Variants in ACTN4 observed in about 807,000 individuals in gnomAD.
ACTN4 encodes the protein actinin alpha 4.
A neutral mutation model predicts 114.2 loss-of-function variants in ACTN4; 18 were observed. That is an observed-to-expected ratio of 0.16 (90% CI 0.11 to 0.23). The LOEUF (loss-of-function observed/expected upper bound fraction) is 0.23. Ranked by LOEUF, ACTN4 falls within the 10% of genes least tolerant of loss-of-function variation. ACTN4 has a pLI of 1.00. For synonymous variants in ACTN4, 515 were observed against 506.3 expected, an observed-to-expected ratio of 1.02 and a Z score of -0.23; for missense variants, 722 against 1,262.9, an observed-to-expected ratio of 0.57 and a Z score of 6.49.
chr19:38,691,308 A>T (rs568469879), intron 1 of ACTN4, among the ~76,000 whole-genome samples: 1 of 150,350 alleles, frequency 6.7e-6, no homozygotes, highest in Admixed American at 6.6e-5. Flanking sequence ...GGCTGAGGCC[A>T]GAGAATAGCT....
In ACTN4 at chr19:38,647,883, G is replaced by A; in HGVS notation, c.138G>A (p.Pro46=). ...DDWDRDLLLD[P]AWEKQQRKTF... is the part of the protein sequence containing the mutation. ...GGGACCGGGACCTGCTGCTGGACCC[G>A]GCCTGGGAGAAGCAGCAGCGCAAGG... The change falls in exon 1 of 21, where the codon CCG becomes CCA. Residue 46 remains proline, a synonymous_variant. Coordinates refer to ENST00000252699, the MANE Select transcript of ACTN4 (RefSeq NM_004924.6). The A allele has an allele frequency of 6.6e-7, 1 of 1,524,434 alleles. No homozygotes were observed. The highest frequency in any genetic ancestry group is 8.8e-7 in the Non-Finnish European group (1 of 1,135,042). 94.4% of individuals were successfully genotyped at this position (1,524,434 alleles called of 1,614,324 possible).
Position 38,730,720 on chromosome 19 carries a change from G to T in ACTN4, c.*1288G>T. 1 of 1,141,978 alleles carries T rather than the reference G, an allele frequency of 8.8e-7. No homozygotes were observed. The highest frequency in any genetic ancestry group is 1.3e-6 in the Non-Finnish European group (1 of 792,984). The allele number at this position is 1,141,978 out of a possible 1,614,324, so 70.7% of individuals were successfully genotyped here. On this transcript the variant is annotated 3_prime_UTR_variant, in exon 21 of 21. Coordinates refer to ENST00000252699, the MANE Select transcript of ACTN4 (RefSeq NM_004924.6). ...GGCCAGAGTGGTCACCCGGCCGTGA[G>T]CAGTGAGGGCCAGAGACTAGCCCCA...
At position 38,673,663 on chromosome 19, in the gene ACTN4, A is replaced by AC. The variant is rs1555826349; in HGVS notation, c.162+25756_162+25757insC. Among the ~76,000 whole-genome samples, 29 of 14,910 alleles carry AC rather than the reference A, an allele frequency of 1.9e-3. 2 individuals are homozygous for AC. In the East Asian group the frequency reaches 0.021, roughly 11 times the overall value. The allele number at this position is 14,910 out of a possible 152,430, so 9.8% of individuals were successfully genotyped here. On this transcript the variant is annotated intron_variant, in intron 1 of 20. Transcript: ENST00000252699. Reference sequence around the variant, plus strand: ...TATATATATTTATATATTTATATATATTATATATATTTATATATTTATATA... The same window carrying AC: ...TATATATATTTATATATTTATATATACTTATATATATTTATATATTTATATA...
In ACTN4 at chr19:38,668,694, AAAAAG is replaced by A. The variant is rs200006970; in HGVS notation, c.162+20792_162+20796del. Among the ~76,000 whole-genome samples, 894 of 152,054 alleles carry A rather than the reference AAAAAG, an allele frequency of 5.9e-3. 6 individuals carry two copies. The highest frequency in any genetic ancestry group is 0.024 in the Middle Eastern group (7 of 294). ...AGTGAGACTCCATCGCAAAAAAAGA[AAAAAG>A]AAAAAAAGAAAAGATGGACAATGAA... On this transcript the variant is annotated intron_variant, in intron 1 of 20. Coordinates refer to ENST00000252699, the MANE Select transcript of ACTN4 (RefSeq NM_004924.6).
intron 3 of ACTN4, among the ~76,000 whole-genome samples, chr19:38,704,280 C>T (rs764446215): frequency 2.0e-5 from 3 of 152,228 alleles, no homozygotes; most frequent in Admixed American, 1.3e-4. Flanking sequence ...CATTGCACTC[C>T]AGCCAGCCAG....
chr19:38,690,543 C>T (rs1184277567), intron 1 of ACTN4, among the ~76,000 whole-genome samples: 2 of 152,184 alleles, frequency 1.3e-5, no homozygotes, highest in Non-Finnish European at 1.5e-5. Context: ...CCTTGGAATC[C>T]GTGAGGCCAA....
intron 9 of ACTN4, among the ~76,000 whole-genome samples, chr19:38,716,030 T>C (rs1406824045): frequency 1.3e-5 from 2 of 152,206 alleles, no homozygotes; most frequent in Non-Finnish European, 2.9e-5. Flanking sequence ...GCCTCCCAAG[T>C]AGCTGGGATT....
rs1280703636 is a variant in ACTN4 at position 38,712,956 on chromosome 19, C to T, written c.820-1513C>T. 2.2e-5 allele frequency among the ~76,000 whole-genome samples: 3 copies of T among 135,384 alleles called. No homozygotes were observed. The Admixed American group carries it at 2.2e-4, about 10-fold the overall frequency. 88.8% of individuals were successfully genotyped at this position (135,384 alleles called of 152,430 possible). ...GGGCCTGGAGGCTTGTCACTGGCCC[C>T]TCTCTGAGGGGGTAGTGGAGGCCCG... is the stretch of plus-strand genomic sequence containing the variant. On this transcript the variant is annotated intron_variant, in intron 8 of 20. Coordinates refer to ENST00000252699, the MANE Select transcript of ACTN4 (RefSeq NM_004924.6).
Position 38,727,628 on chromosome 19 carries a change from C to CCCCG in ACTN4, c.2338-315_2338-314insGCCC, listed in dbSNP as rs1969282647. Among the ~76,000 whole-genome samples the CCCCG allele has an allele frequency of 9.2e-6, 1 of 109,138 alleles. No homozygotes were observed. Among genetic ancestry groups the CCCCG allele is most frequent in the Non-Finnish European group, 2.1e-5 (1 of 48,108 alleles). 71.6% of individuals were successfully genotyped at this position (109,138 alleles called of 152,430 possible). On this transcript the variant is annotated intron_variant, in intron 18 of 20. Transcript: ENST00000252699. The surrounding 1 kb of genome is among the most constrained non-coding windows in gnomAD (Gnocchi z 5.4). ...CTCCAAATCCCAAAGGCAAGGAGAA[C>CCCCG]CCCCCCCCCGACCCTCCACCAGTCC...
chr19:38,699,251 G>A (rs1348049982), intron 1 of ACTN4, among the ~76,000 whole-genome samples: 1 of 152,214 alleles, frequency 6.6e-6, no homozygotes, highest in Non-Finnish European at 1.5e-5. Flanking sequence ...CCACCAGGAG[G>A]CTGCGTGCCC....
chr19:38,683,997 C>G (rs1361140903), intron 1 of ACTN4: 1 of 152,280 alleles, frequency 6.6e-6, no homozygotes, highest in African/African-American at 2.4e-5. Flanking sequence ...TGTGAAGTAG[C>G]TCACACAGGG....
chr19:38,693,139 G>C (rs73034621), intron 1 of ACTN4, among the ~76,000 whole-genome samples: 1 of 151,986 alleles, frequency 6.6e-6, no homozygotes, highest in African/African-American at 2.4e-5. Flanking sequence ...GGCAGCAAAC[G>C]TTTTTTTCTA....
At chr19:38,700,909 A>G (rs1968250939) in intron 2 of ACTN4, 93 bp from the exon 3 acceptor site, 2 of 1,550,162 alleles carry the variant, frequency 1.3e-6, no homozygotes, top group Non-Finnish European at 8.8e-7. Context: ...CTTTTGGAGA[A>G]CAGAGGAGAC....
At chr19:38,657,726 C>T (rs957097684) in intron 1 of ACTN4, among the ~76,000 whole-genome samples, 1 of 151,956 alleles carries the variant, frequency 6.6e-6, no homozygotes, top group Non-Finnish European at 1.5e-5. Context: ...GAAGGAAGCT[C>T]GCAGGTGGTT....
intron 1 of ACTN4, among the ~76,000 whole-genome samples, chr19:38,690,200 A>AAAAT (rs1222477918): frequency 6.6e-6 from 1 of 152,070 alleles, no homozygotes; most frequent in Admixed American, 6.5e-5. Context: ...TCACTCTATT[A>AAAAT]AATCTTGCAA....
At chr19:38,655,256 C>T (rs140556114) in intron 1 of ACTN4, among the ~76,000 whole-genome samples, 43 of 152,206 alleles carry the variant, frequency 2.8e-4, no homozygotes, top group African/African-American at 9.9e-4. Context: ...ACATTGAAAA[C>T]AAAACAGTGT....
chr19:38,729,191 G>GA (rs900387169), intron 20 of ACTN4, 37 bp downstream of exon 20: 4 of 1,612,678 alleles, frequency 2.5e-6, no homozygotes, highest in Non-Finnish European at 8.5e-7. Context: ...GGGGGCTGGC[G>GA]AGAGGGGTCC....
intron 12 of ACTN4, among the ~76,000 whole-genome samples, chr19:38,722,425 C>A (rs766887750): frequency 4.6e-5 from 7 of 152,176 alleles, no homozygotes; most frequent in Admixed American, 2.6e-4. Context: ...ACAGTCACCC[C>A]CAAAGGTCTG....
chr19:38,728,715 G>GA (rs1370550646), intron 19 of ACTN4, among the ~76,000 whole-genome samples: 1 of 152,230 alleles, frequency 6.6e-6, no homozygotes, highest in East Asian at 1.9e-4. Context: ...GAGGGCAGTA[G>GA]ACCCCAGTTC....
Sources: allele counts gnomAD v4.1 joint callset (sites outside exome capture counted in the v4.1 genomes callset), GRCh38; gene constraint gnomAD v4.1.1; non-coding constraint Gnocchi (gnomAD v3.1); transcripts MANE v1.5; gene names NCBI Gene and HGNC (gene_info 2026-07-23, HGNC 2026-07-21).